Variants in INTS9 observed in about 807,000 individuals in gnomAD.
INTS9 encodes the protein protein related to CPSF subunits of 74 kDa.
A neutral mutation model predicts 79.7 loss-of-function variants in INTS9; 55 were observed. The observed-to-expected ratio is 0.69, with a 90% CI of 0.56 to 0.86. INTS9 has a LOEUF of 0.86. INTS9 is among the 40% of genes least tolerant of loss of function. The pLI, the probability that INTS9 is intolerant of heterozygous loss-of-function variation, is 0.00. For synonymous variants in INTS9, 319 were observed against 325.2 expected (o/e 0.98, Z 0.20); for missense variants, 721 against 831.5 (o/e 0.87, Z 1.64).
In INTS9 at chr8:28,770,155, C is replaced by T. The variant is rs367640928; in HGVS notation, c.1663-129G>A. ...AGAGCCCCGGCCCGGTTTCCTCAGC[C>T]GGCACTCGGTTCAGGTTCCCTGGCT... is the stretch of plus-strand genomic sequence containing the variant. On this transcript the variant is annotated intron_variant, in intron 15 of 16. Coordinates refer to ENST00000521022, the MANE Select transcript of INTS9 (RefSeq NM_018250.4). 236 of 1,208,682 alleles carry T rather than the reference C, an allele frequency of 2.0e-4. 2 individuals carry two copies. In the African/African-American group the frequency reaches 2.7e-3, roughly 14 times the overall value. 74.9% of individuals were successfully genotyped at this position (1,208,682 alleles called of 1,614,324 possible). A position where few individuals can be genotyped will look rare whatever the true frequency, so the allele number is the denominator to read the frequency against.
intron 14 of INTS9, among the ~76,000 whole-genome samples, chr8:28,772,694 A>C (rs982594400): frequency 6.6e-6 from 1 of 151,884 alleles, no homozygotes; most frequent in Non-Finnish European, 1.5e-5. Flanking sequence ...GTAGTCCCAG[A>C]TACTCGGGAG....
chr8:28,873,457 G>C lies in INTS9; in HGVS notation c.10-13894C>G, dbSNP rs1416201501. ...CAGGTCAACATAATGTTGAATTAAA[G>C]AAGCCAGACACAAATGAGACATAAG... is the stretch of plus-strand genomic sequence containing the variant. On this transcript the variant is annotated intron_variant, in intron 1 of 16. Coordinates refer to ENST00000521022, the MANE Select transcript of INTS9 (RefSeq NM_018250.4). Among the ~76,000 whole-genome samples the C allele has an allele frequency of 3.3e-5, 5 of 152,150 alleles. No individual in the cohort carries two copies. The East Asian group carries it at 9.6e-4, about 29-fold the overall frequency.
intron 6 of INTS9, among the ~76,000 whole-genome samples, chr8:28,813,957 C>T (rs976239313): frequency 2.0e-5 from 3 of 151,718 alleles, no homozygotes; most frequent in Admixed American, 6.6e-5. Flanking sequence ...GATGGGGTTT[C>T]ACCATGTTGG....
Position 28,780,835 on chromosome 8 carries a change from C to T in INTS9, c.1258G>A (p.Val420Ile), listed in dbSNP as rs141006653. ...ELWGKSSLNT[V>I]IFTEPDFSYL... ...TTTTTTCACTTACCCGTGAATATGACGGTATTGAGACTAGATTTTCCCCAG... is the reference window on the plus strand; with the variant it reads ...TTTTTTCACTTACCCGTGAATATGATGGTATTGAGACTAGATTTTCCCCAG... The change falls in exon 12 of 17, where the codon GTC becomes ATC. Residue 420 changes from valine to isoleucine, a missense_variant. By Grantham distance (29) the Val-to-Ile change is conservative. This residue lies in a region of INTS9 where 149 missense variants were observed against 223.7 expected (regional missense o/e 0.67). Coordinates refer to ENST00000521022, the MANE Select transcript of INTS9 (RefSeq NM_018250.4). The T allele has an allele frequency of 1.2e-5, 20 of 1,613,920 alleles. No individual in the cohort carries two copies. Among genetic ancestry groups the T allele is most frequent in the African/African-American group, 4.0e-5 (3 of 74,900 alleles).
At chr8:28,816,801 C>T (rs1294197740) in intron 6 of INTS9, among the ~76,000 whole-genome samples, 1 of 150,870 alleles carries the variant, frequency 6.6e-6, no homozygotes, top group Non-Finnish European at 1.5e-5. Context: ...TTCTCCACAT[C>T]CTCTCCAGCA....
intron 6 of INTS9, among the ~76,000 whole-genome samples, chr8:28,831,534 C>T (rs985850996): frequency 6.6e-6 from 1 of 152,186 alleles, no homozygotes; most frequent in Non-Finnish European, 1.5e-5. Context: ...GCCTTCTCCT[C>T]CTTTAGCCTC....
chr8:28,776,440 G>GTT (rs58428614), intron 13 of INTS9, among the ~76,000 whole-genome samples: 12 of 79,188 alleles, frequency 1.5e-4, no homozygotes, highest in Admixed American at 3.0e-4. Context: ...TTTTTTTTTT[G>GTT]TTTTTTTTTT....
intron 1 of INTS9, among the ~76,000 whole-genome samples, chr8:28,889,365 A>T (rs1810435441): frequency 6.6e-6 from 1 of 152,044 alleles, no homozygotes; most frequent in Non-Finnish European, 1.5e-5. Context: ...ACTTCTCCAC[A>T]CTCTGACCTC....
At position 28,837,674 on chromosome 8, in the gene INTS9, T is replaced by A; in HGVS notation, c.364A>T (p.Thr122Ser). 6.2e-7 allele frequency: 1 copy of A among 1,613,750 alleles called. No individual in the cohort carries two copies. The highest frequency in any genetic ancestry group is 8.5e-7 in the Non-Finnish European group (1 of 1,179,984). ...ACGGTGGGTTCCGTGGCATACACTG[T>A]GCCTGTGAAGCCGGTGTGCTCGGTG... ...YITEHTGFTG[T>S]VYATEPTVQI... The change falls in exon 5 of 17, where the codon ACA becomes TCA. Residue 122 changes from threonine to serine, a missense_variant. Thr to Ser is a moderately conservative substitution (Grantham distance 58). Coordinates refer to ENST00000521022, the MANE Select transcript of INTS9 (RefSeq NM_018250.4).
chr8:28,790,880 T>C (rs1226855040), intron 10 of INTS9, among the ~76,000 whole-genome samples: 2 of 152,192 alleles, frequency 1.3e-5, no homozygotes, highest in Non-Finnish European at 2.9e-5. Flanking sequence ...AAGTTTCACC[T>C]GCACATCCCC....
At chr8:28,818,730 C>T (rs1038250944) in intron 6 of INTS9, among the ~76,000 whole-genome samples, 22 of 152,040 alleles carry the variant, frequency 1.4e-4, no homozygotes, top group Admixed American at 4.6e-4. Context: ...AGGAATGGTA[C>T]CAGTTCCGCC....
rs139834402 is a variant in INTS9, at chr8:28,837,425, A to G, written c.401+212T>C. Among the ~76,000 whole-genome samples the G allele has an allele frequency of 1.3e-4, 20 of 152,338 alleles. No homozygotes were observed. In the East Asian group the frequency reaches 3.8e-3, roughly 29 times the overall value. On this transcript the variant is annotated intron_variant, in intron 5 of 16. Coordinates refer to ENST00000521022, the MANE Select transcript of INTS9 (RefSeq NM_018250.4). The stretch of plus-strand genomic sequence containing the variant: ...GAACTCCTTCCAATTAATTTATAAG[A>G]AAAAAGACCAACAAGACTACTTGCA...
Position 28,777,844 on chromosome 8 carries a change from C to T in INTS9, c.1380G>A (p.Leu460=), listed in dbSNP as rs1370512844. Residue 460 remains leucine (L), a synonymous_variant, in exon 13 of 17, where the codon CTG becomes CTA. Coordinates refer to ENST00000521022, the MANE Select transcript of INTS9 (RefSeq NM_018250.4). ...TRLNFIQVSK[L]LKEVQPLHVV... ...CCTTCATTACCTGCACTTCTTTAAG[C>T]AGCTTTGACACCTGGATGAAGTTCA... 8.1e-6 allele frequency: 13 copies of T among 1,607,436 alleles called. No homozygotes were observed. The highest frequency in any genetic ancestry group is 1.1e-5 in the Non-Finnish European group (13 of 1,177,262).
chr8:28,781,925 G>A (rs1803288471), intron 11 of INTS9, among the ~76,000 whole-genome samples: 1 of 152,038 alleles, frequency 6.6e-6, no homozygotes, highest in African/African-American at 2.4e-5. Context: ...GTAAACTCTG[G>A]GCTTTGGGCG....
At chr8:28,875,766 TAC>T (rs1293314469) in intron 1 of INTS9, among the ~76,000 whole-genome samples, 3 of 152,256 alleles carry the variant, frequency 2.0e-5, no homozygotes, top group Non-Finnish European at 4.4e-5. Flanking sequence ...ACATTGAATA[TAC>T]ACAGTTTGTT....
At chr8:28,840,639 G>C (rs1209318588) in intron 4 of INTS9, among the ~76,000 whole-genome samples, 7 of 145,126 alleles carry the variant, frequency 4.8e-5, no homozygotes, top group African/African-American at 1.8e-4. Flanking sequence ...CATGTCCTTT[G>C]TAGGGACATG....
At chr8:28,828,127 A>G (rs993220338) in intron 6 of INTS9, among the ~76,000 whole-genome samples, 2 of 152,242 alleles carry the variant, frequency 1.3e-5, no homozygotes, top group African/African-American at 4.8e-5. Flanking sequence ...TAGAACTCTA[A>G]CACAAGTGGA....
At chr8:28,787,606 C>T (rs1803685303) in intron 11 of INTS9, among the ~76,000 whole-genome samples, 1 of 152,170 alleles carries the variant, frequency 6.6e-6, no homozygotes, top group Admixed American at 6.5e-5. Context: ...CTGCGGTCCA[C>T]AACATTTTGG....
intron 12 of INTS9, among the ~76,000 whole-genome samples, chr8:28,778,269 C>T (rs1441801531): frequency 2.6e-5 from 4 of 152,178 alleles, no homozygotes; most frequent in Non-Finnish European, 5.9e-5. Context: ...CCAAAACCAC[C>T]GTTTGGCAAC....
Sources: allele counts gnomAD v4.1 joint callset (sites outside exome capture counted in the v4.1 genomes callset), GRCh38; gene constraint gnomAD v4.1.1; regional missense constraint gnomAD v4.1.1; transcripts MANE v1.5; gene names NCBI Gene and HGNC (gene_info 2026-07-23, HGNC 2026-07-21).